RGS12: variants seen among roughly 807,000 people sequenced by gnomAD.
RGS12 encodes the protein regulator of G protein signaling 12, also known as regulator of G-protein signaling 12.
In RGS12, 66 loss-of-function variants were observed where a neutral mutation model predicts 120.1. That is an observed-to-expected ratio of 0.55 (90% CI 0.45 to 0.67). RGS12 has a LOEUF of 0.67. Ranked by LOEUF, RGS12 falls within the 30% of genes least tolerant of loss-of-function variation. RGS12 has a pLI of 0.00. For missense variants in RGS12, 1,859 were observed against 1,957.7 expected, an observed-to-expected ratio of 0.95 and a Z score of 0.95; for synonymous variants, 827 against 804.7, an observed-to-expected ratio of 1.03 and a Z score of -0.47.
At chr4:3,311,425 C>T (rs1298583874) in intron 1 of RGS12, among the ~76,000 whole-genome samples, 1 of 152,174 alleles carries the variant, frequency 6.6e-6, no homozygotes, top group East Asian at 1.9e-4. Context: ...ATATTTATTT[C>T]TAGATCACCC....
intron 2 of RGS12, among the ~76,000 whole-genome samples, chr4:3,326,654 A>G (rs909519865): frequency 6.6e-6 from 1 of 152,244 alleles, no homozygotes; most frequent in Non-Finnish European, 1.5e-5. Context: ...AATCAGTAGT[A>G]TTTCTTTATA....
In RGS12 at chr4:3,317,853, C is replaced by T. The variant is rs200872739; in HGVS notation, c.1683C>T (p.Thr561=). The T allele has an allele frequency of 2.0e-4, 317 of 1,613,584 alleles. 3 individuals carry two copies. In the East Asian group the frequency reaches 2.3e-3, roughly 12 times the overall value. The part of the protein sequence containing the change: ...TSDQDSYTDS[T]DGWSSINCGT... Reference sequence around the variant, plus strand: ...ACCAGGACTCTTACACAGATTCCACCGATGGCTGGTCCAGCATCAACTGCG... The same window carrying T: ...ACCAGGACTCTTACACAGATTCCACTGATGGCTGGTCCAGCATCAACTGCG... The change falls in exon 2 of 18, where the codon ACC becomes ACT. Residue 561 remains threonine (T), a synonymous_variant. Transcript: ENST00000336727.
intron 3 of RGS12, among the ~76,000 whole-genome samples, chr4:3,358,377 G>A (rs1192238858): frequency 6.6e-6 from 1 of 152,162 alleles, no homozygotes; most frequent in Non-Finnish European, 1.5e-5. Flanking sequence ...GTGTTGAAAA[G>A]AATTGTCGAA....
intron 4 of RGS12, among the ~76,000 whole-genome samples, chr4:3,407,185 G>A (rs1721228103): frequency 6.6e-6 from 1 of 152,202 alleles, no homozygotes; most frequent in South Asian, 2.1e-4. Context: ...TTTATGCCAC[G>A]TGCAGTCACC....
At chr4:3,397,953 G>A (rs986951228) in intron 4 of RGS12, among the ~76,000 whole-genome samples, 3 of 152,180 alleles carry the variant, frequency 2.0e-5, no homozygotes, top group African/African-American at 7.2e-5. Flanking sequence ...AAATTATTTA[G>A]GTTTACATCC....
rs761025609 is a variant in RGS12 at position 3,422,523 on chromosome 4, G to A, written c.2986G>A (p.Gly996Ser). Residue 996 changes from glycine to serine, a missense_variant, in exon 11 of 18, where the codon GGC becomes AGC. By Grantham distance (56) the Gly-to-Ser change is moderately conservative. Around this residue, in one of 3 missense-constraint regions of RGS12, gnomAD observed 375 missense variants for 475.0 expected, o/e 0.79. Transcript: ENST00000336727. ...CCTGTCCGGACTCTGTGAGCGGCAT[G>A]GCATCAACGGGGCGGCCGCGGACCT... is the stretch of plus-strand genomic sequence containing the variant. ...DILSGLCERHGINGAAADLFL... is the reference protein window; with the variant it reads ...DILSGLCERHSINGAAADLFL... 6.2e-7 allele frequency: 1 copy of A among 1,612,750 alleles called. No homozygotes were observed. The highest frequency in any genetic ancestry group is 8.5e-7 in the Non-Finnish European group (1 of 1,179,978).
chr4:3,334,343 A>AT (rs1712208255), intron 2 of RGS12, among the ~76,000 whole-genome samples: 2 of 152,324 alleles, frequency 1.3e-5, no homozygotes, highest in Middle Eastern at 6.8e-3. Context: ...ACAATGATTG[A>AT]TTTTCAAATA....
At position 3,430,926 on chromosome 4, in the gene RGS12, C is replaced by T. The variant is rs113897950; in HGVS notation, c.4085C>T (p.Pro1362Leu). 1.2e-5 allele frequency: 19 copies of T among 1,612,670 alleles called. No homozygotes were observed. The Middle Eastern group carries it at 9.9e-4, about 84-fold the overall frequency. The change falls in exon 17 of 18, where the codon CCC (proline) becomes CTC (leucine). Residue 1362 changes from proline (P) to leucine (L), a missense_variant. Coordinates refer to ENST00000336727, the MANE Select transcript of RGS12 (RefSeq NM_001394154.1). ...NSTLLPPPST[P>L]QEVPGPSRPG... ...ACCTTGCTGCCGCCGCCCTCCACCC[C>T]CCAGGAAGTGCCAGGACCTTCCAGA...
intron 17 of RGS12, among the ~76,000 whole-genome samples, 177 bp from the exon 18 acceptor site, chr4:3,439,278 C>T (rs891881030): frequency 6.6e-6 from 1 of 152,236 alleles, no homozygotes; most frequent in Non-Finnish European, 1.5e-5. Context: ...CTCCCCTGGG[C>T]GTACCTGCCC....
intron 9 of RGS12, chr4:3,418,332 C>T (rs899121362): frequency 6.6e-6 from 1 of 152,252 alleles, no homozygotes; most frequent in Non-Finnish European, 1.5e-5. Context: ...GTACCAGGTG[C>T]TGAAAAGCAC....
At chr4:3,308,942 G>C (rs972326763) in intron 1 of RGS12, among the ~76,000 whole-genome samples, 2 of 152,288 alleles carry the variant, frequency 1.3e-5, no homozygotes, top group Non-Finnish European at 2.9e-5. Flanking sequence ...CCTGCGTGGA[G>C]TCCCAGACGC....
At chr4:3,436,826 C>T (rs542716483) in intron 17 of RGS12, among the ~76,000 whole-genome samples, 2 of 152,280 alleles carry the variant, frequency 1.3e-5, no homozygotes, top group African/African-American at 2.4e-5. Context: ...GCAGGACCCC[C>T]TCCTGGGAAG....
intron 4 of RGS12, among the ~76,000 whole-genome samples, chr4:3,396,042 A>G (rs1336855834): frequency 1.3e-5 from 2 of 152,056 alleles, no homozygotes; most frequent in African/African-American, 2.4e-5. Context: ...TTGTTATACT[A>G]TATTGTTTTT....
At chr4:3,306,682 G>T (rs1190456753) in intron 1 of RGS12, among the ~76,000 whole-genome samples, 3 of 152,206 alleles carry the variant, frequency 2.0e-5, no homozygotes, top group African/African-American at 7.2e-5. Context: ...GCAGTAACTG[G>T]TGCAGGGGAC....
At chr4:3,402,045 G>A (rs997514388) in intron 4 of RGS12, among the ~76,000 whole-genome samples, 5 of 152,230 alleles carry the variant, frequency 3.3e-5, no homozygotes, top group South Asian at 4.1e-4. Flanking sequence ...GCCCGTGAGC[G>A]CTGCCTACCT....
intron 1 of RGS12, among the ~76,000 whole-genome samples, chr4:3,311,470 CTT>C (rs1156301773): frequency 6.6e-6 from 1 of 152,132 alleles, no homozygotes; most frequent in Non-Finnish European, 1.5e-5. Context: ...TTATTGTCCT[CTT>C]TACACCATGA....
chr4:3,413,945 T>G, intron 4 of RGS12, 127 bp from the exon 5 acceptor site: 1 of 944,616 alleles, frequency 1.1e-6, no homozygotes. Flanking sequence ...GCATAGTTGT[T>G]GACTGAATGG....
intron 2 of RGS12, among the ~76,000 whole-genome samples, chr4:3,339,962 A>G (rs1284024084): frequency 6.6e-6 from 1 of 152,240 alleles, no homozygotes; most frequent in African/African-American, 2.4e-5. Context: ...CCATGGGTTC[A>G]TTCCCCACCC....
intron 1 of RGS12, among the ~76,000 whole-genome samples, chr4:3,311,083 C>T (rs1724370699): frequency 1.3e-5 from 2 of 152,116 alleles, no homozygotes; most frequent in Admixed American, 6.5e-5. Context: ...CATTGCAGCC[C>T]GTGGGGTCAC....
Sources: gnomAD v4.1 joint callset for allele counts (sites outside exome capture counted in the v4.1 genomes callset) on GRCh38, gnomAD v4.1.1 for gene constraint, gnomAD v4.1.1 regional missense constraint, MANE v1.5 for transcripts, NCBI Gene and HGNC (gene_info 2026-07-23, HGNC 2026-07-21) for gene names.